MYCBP2: variants seen among roughly 807,000 people sequenced by gnomAD.
MYCBP2 encodes MYC binding protein 2, also known as E3 ubiquitin-protein ligase MYCBP2.
A neutral mutation model predicts 525.3 loss-of-function variants in MYCBP2; 120 were observed. The observed-to-expected ratio is 0.23, with a 90% CI of 0.20 to 0.27. The LOEUF (loss-of-function observed/expected upper bound fraction) is 0.27, where lower values mean the gene tolerates loss of function less well. Ranked by LOEUF, MYCBP2 falls within the 10% of genes least tolerant of loss-of-function variation. The pLI is 1.00. For missense variants in MYCBP2, 4,149 were observed against 5,657.1 expected, an observed-to-expected ratio of 0.73 and a Z score of 8.55; for synonymous variants, 1,894 against 1,955.8, an observed-to-expected ratio of 0.97 and a Z score of 0.83.
chr13:77,134,367 C>G (rs1344586152), intron 52 of MYCBP2, among the ~76,000 whole-genome samples: 3 of 151,972 alleles, frequency 2.0e-5, no homozygotes, highest in Non-Finnish European at 4.4e-5. Flanking sequence ...CTGCCCGTCT[C>G]TACTAAAAAT....
intron 3 of MYCBP2, among the ~76,000 whole-genome samples, chr13:77,287,123 G>T (rs1342695168): frequency 6.6e-6 from 1 of 150,590 alleles, no homozygotes; most frequent in Non-Finnish European, 1.5e-5. Context: ...TCCTGACCTC[G>T]TGATCCGCCC....
rs373854372 is a variant in MYCBP2, at chr13:77,046,006, G to A, written c.13922-513C>T. Among the ~76,000 whole-genome samples, 18 of 152,206 alleles carry A rather than the reference G, an allele frequency of 1.2e-4. No individual in the cohort carries two copies. In the East Asian group the frequency reaches 2.9e-3, roughly 25 times the overall value. On this transcript the variant is annotated intron_variant, in intron 82 of 82. Transcript: ENST00000544440. ...TAAAATGGGAAGGCCAATGATTCCT[G>A]TAATTTTTAAAAGTACCTGAAGGAT...
At position 77,252,682 on chromosome 13, in the gene MYCBP2, A is replaced by C. The variant is rs376958432; in HGVS notation, c.2177-1327T>G. Among the ~76,000 whole-genome samples, 8 of 152,280 alleles carry C rather than the reference A, an allele frequency of 5.3e-5. 1 individual carries two copies. The highest frequency in any genetic ancestry group is 6.5e-5 in the Admixed American group (1 of 15,296). The stretch of plus-strand genomic sequence containing the variant: ...TCACTCAATACAGGTCTATCTAACC[A>C]AGAAATAAACTCATAGCATATATAG... On this transcript the variant is annotated intron_variant, in intron 14 of 82. Transcript: ENST00000544440.
At chr13:77,134,118 A>G (rs905626670) in intron 52 of MYCBP2, among the ~76,000 whole-genome samples, 1 of 152,224 alleles carries the variant, frequency 6.6e-6, no homozygotes, top group Non-Finnish European at 1.5e-5. Context: ...AAGATCACCA[A>G]CCAATTTTTG....
At chr13:77,075,478 T>G (rs2042121175) in intron 68 of MYCBP2, 1 of 152,204 alleles carries the variant, frequency 6.6e-6, no homozygotes, top group Non-Finnish European at 1.5e-5. Flanking sequence ...GCTCCCATTC[T>G]CTCTACTAAT....
intron 40 of MYCBP2, among the ~76,000 whole-genome samples, chr13:77,168,047 A>C (rs952151741): frequency 1.3e-5 from 2 of 152,138 alleles, no homozygotes; most frequent in Non-Finnish European, 2.9e-5. Flanking sequence ...TAAATCTTAC[A>C]TTGGGGTTGT....
intron 68 of MYCBP2, among the ~76,000 whole-genome samples, chr13:77,076,404 A>G (rs1366100396): frequency 6.6e-6 from 1 of 152,186 alleles, no homozygotes; most frequent in Non-Finnish European, 1.5e-5. Flanking sequence ...AAGAGGATAA[A>G]TCGTAAAAAA....
chr13:77,188,978 C>G lies in MYCBP2; in HGVS notation c.4224G>C (p.Lys1408Asn). ...QQTSEPVHILKRSFARTVSVE... is the reference protein window; with the variant it reads ...QQTSEPVHILNRSFARTVSVE... ...CTGAGACAGTTCTTGCAAAAGACCT[C>G]TTTAAAATGTGTACAGGTTCACTGG... The change falls in exon 30 of 83, where the codon AAG becomes AAC. Residue 1408 changes from lysine (K) to asparagine (N), a missense_variant. Physicochemically the swap from Lys to Asn is moderately conservative, Grantham distance 94. Around this residue, in one of 21 missense-constraint regions of MYCBP2, gnomAD observed 292 missense variants for 330.5 expected, o/e 0.88. Transcript: ENST00000544440. 1.2e-6 allele frequency: 2 copies of G among 1,606,624 alleles called. No individual in the cohort carries two copies. Among genetic ancestry groups the G allele is most frequent in the Admixed American group, 1.7e-5 (1 of 58,604 alleles).
chr13:77,064,500 T>C (rs1264637298), intron 73 of MYCBP2, 115 bp downstream of exon 73: 1 of 1,208,126 alleles, frequency 8.3e-7, no homozygotes, highest in Non-Finnish European at 1.1e-6. Context: ...CGGTATTTGG[T>C]TAAAAAATAA....
At chr13:77,068,097 G>A (rs915377175) in intron 70 of MYCBP2, among the ~76,000 whole-genome samples, 7 of 151,790 alleles carry the variant, frequency 4.6e-5, no homozygotes, top group East Asian at 1.9e-4. Context: ...CCCATCCCAG[G>A]CTTCATTTTT....
intron 5 of MYCBP2, among the ~76,000 whole-genome samples, chr13:77,271,581 G>A (rs1436560678): frequency 6.6e-6 from 1 of 152,174 alleles, no homozygotes; most frequent in African/African-American, 2.4e-5. Flanking sequence ...ATGGGGGCAA[G>A]TCTTTCCTGT....
chr13:77,298,345 T>C (rs2078414997), intron 1 of MYCBP2, among the ~76,000 whole-genome samples: 1 of 152,182 alleles, frequency 6.6e-6, no homozygotes, highest in Non-Finnish European at 1.5e-5. Context: ...TAATATACAC[T>C]CTCATTCATC....
chr13:77,223,548 A>G (rs949306441), intron 20 of MYCBP2, among the ~76,000 whole-genome samples: 3 of 152,216 alleles, frequency 2.0e-5, no homozygotes, highest in African/African-American at 4.8e-5. Flanking sequence ...ATGAAAGACA[A>G]GTAAGAGGGA....
intron 65 of MYCBP2, among the ~76,000 whole-genome samples, chr13:77,079,717 T>C (rs974141701): frequency 6.6e-6 from 1 of 152,182 alleles, no homozygotes; most frequent in Non-Finnish European, 1.5e-5. Context: ...AATACTCTAT[T>C]TGCATTATCC....
intron 52 of MYCBP2, among the ~76,000 whole-genome samples, chr13:77,135,523 C>G (rs1311372016): frequency 6.6e-6 from 1 of 152,190 alleles, no homozygotes; most frequent in African/African-American, 2.4e-5. Context: ...CTAGTCCCTA[C>G]AGAAAATCAT....
chr13:77,184,958 T>G, intron 32 of MYCBP2, 145 bp downstream of exon 32: 1 of 795,968 alleles, frequency 1.3e-6, no homozygotes, highest in East Asian at 2.8e-5. Context: ...TTTTAAACTT[T>G]GCTTATATAA....
intron 1 of MYCBP2, among the ~76,000 whole-genome samples, chr13:77,321,669 C>T (rs1401742939): frequency 6.6e-6 from 1 of 152,222 alleles, no homozygotes; most frequent in Non-Finnish European, 1.5e-5. Context: ...ACTGTGCTTT[C>T]CTGTCTCTGC....
intron 52 of MYCBP2, among the ~76,000 whole-genome samples, chr13:77,136,839 AC>A (rs1038588444): frequency 1.1e-4 from 17 of 151,946 alleles, no homozygotes; most frequent in African/African-American, 4.1e-4. Flanking sequence ...CCTCTCTTTT[AC>A]AGAAGCAAGC....
Position 77,288,354 on chromosome 13 carries a change from A to G in MYCBP2, c.401T>C (p.Val134Ala), listed in dbSNP as rs2077104941. 2.5e-6 allele frequency: 4 copies of G among 1,613,390 alleles called. No individual in the cohort carries two copies. The highest frequency in any genetic ancestry group is 3.4e-6 in the Non-Finnish European group (4 of 1,179,406). Residue 134 changes from valine (V) to alanine (A), a missense_variant, in exon 3 of 83, where the codon GTA becomes GCA. Physicochemically the swap from Val to Ala is moderately conservative, Grantham distance 64. This residue lies in a region of MYCBP2 where 413 missense variants were observed against 451.2 expected (regional missense o/e 0.92). Coordinates refer to ENST00000544440, the MANE Select transcript of MYCBP2 (RefSeq NM_015057.5). ...RSKSENLENTVIIPDIKLHSN... is the reference protein window; with the variant it reads ...RSKSENLENTAIIPDIKLHSN... Reference sequence around the variant, plus strand: ...ATGTAGTTTGATATCTGGTATGATTACTGTATTCTCTAAGTTTTCAGACTG... The same window carrying G: ...ATGTAGTTTGATATCTGGTATGATTGCTGTATTCTCTAAGTTTTCAGACTG...
Sources: allele counts gnomAD v4.1 joint callset (sites outside exome capture counted in the v4.1 genomes callset), GRCh38; gene constraint gnomAD v4.1.1; regional missense constraint gnomAD v4.1.1; transcripts MANE v1.5; gene names NCBI Gene and HGNC (gene_info 2026-07-23, HGNC 2026-07-21).